The following MAP3K5 variants were observed in gnomAD, a reference collection of about 807,000 sequenced individuals.
MAP3K5 encodes mitogen-activated protein kinase kinase kinase 5.
A neutral mutation model predicts 158.7 loss-of-function variants in MAP3K5; 56 were observed. That is an observed-to-expected ratio of 0.35 (90% confidence interval 0.28 to 0.44). MAP3K5 has a LOEUF of 0.44. Among genes scored for constraint, MAP3K5 ranks in the 20% least tolerant of loss-of-function variants. MAP3K5 has a pLI of 1.00. For synonymous variants in MAP3K5, 579 were observed against 601.7 expected, an observed-to-expected ratio of 0.96 and a Z score of 0.55; for missense variants, 1,294 against 1,674.8, an observed-to-expected ratio of 0.77 and a Z score of 3.97.
At chr6:136,649,506 C>T (rs1778425189) in intron 11 of MAP3K5, among the ~76,000 whole-genome samples, 1 of 152,142 alleles carries the variant, frequency 6.6e-6, no homozygotes, top group Non-Finnish European at 1.5e-5. Context: ...TGCATGTGTC[C>T]AAGCTTCACT....
chr6:136,631,199 T>C (rs1777335049), intron 14 of MAP3K5, among the ~76,000 whole-genome samples: 1 of 152,198 alleles, frequency 6.6e-6, no homozygotes, highest in South Asian at 2.1e-4. Flanking sequence ...CATAAGCTGG[T>C]ACAAGAAAAA....
intron 26 of MAP3K5, among the ~76,000 whole-genome samples, chr6:136,566,226 G>A (rs1198444862): frequency 6.6e-6 from 1 of 152,236 alleles, no homozygotes; most frequent in Non-Finnish European, 1.5e-5. Context: ...GGAGAGGCAG[G>A]TCCTATTGAC....
At chr6:136,658,787 A>T (rs1014568573) in intron 9 of MAP3K5, among the ~76,000 whole-genome samples, 3 of 152,234 alleles carry the variant, frequency 2.0e-5, no homozygotes, top group African/African-American at 7.2e-5. Context: ...CCTAAGTAAG[A>T]AGAAAACAAA....
At chr6:136,784,775 G>C (rs1784770432) in intron 1 of MAP3K5, among the ~76,000 whole-genome samples, 1 of 152,120 alleles carries the variant, frequency 6.6e-6, no homozygotes, top group Non-Finnish European at 1.5e-5. Context: ...CACATTTTCT[G>C]TATGTGAAGA....
chr6:136,773,343 T>C lies in MAP3K5; in HGVS notation c.448+18367A>G, dbSNP rs573062383. On this transcript the variant is annotated intron_variant, in intron 1 of 29. Transcript: ENST00000359015. ...TCTTTAAATAACACTCCCTGTTACA[T>C]GCCTTCTGTTGTTCTCCAGAAATCA... 4.6e-5 allele frequency among the ~76,000 whole-genome samples: 7 copies of C among 152,312 alleles called. No homozygotes were observed. In the South Asian group the frequency reaches 8.3e-4, roughly 18 times the overall value.
chr6:136,561,119 G>A (rs1261517230), intron 28 of MAP3K5, among the ~76,000 whole-genome samples: 2 of 151,952 alleles, frequency 1.3e-5, no homozygotes, highest in Non-Finnish European at 2.9e-5. Flanking sequence ...GGACCACAGA[G>A]CTTTTGCCTG....
At chr6:136,629,351 T>C (rs1293286853) in intron 14 of MAP3K5, 3 of 152,260 alleles carry the variant, frequency 2.0e-5, no homozygotes, top group Non-Finnish European at 2.9e-5. Context: ...TATATGTAAA[T>C]GCCAAAACAT....
At chr6:136,706,724 C>A (rs936614272) in intron 2 of MAP3K5, among the ~76,000 whole-genome samples, 3 of 152,066 alleles carry the variant, frequency 2.0e-5, no homozygotes, top group Admixed American at 2.0e-4. Context: ...CAAAGAAGAA[C>A]CAACAAGGAC....
rs774324712 is a variant in MAP3K5, at chr6:136,561,695, A to G, written c.3875-50T>C. On this transcript the variant is annotated intron_variant, in intron 27 of 29. Coordinates refer to ENST00000359015, the MANE Select transcript of MAP3K5 (RefSeq NM_005923.4). ...TTCTTAATTTCACCTAACAGAGGTC[A>G]TCTGAGACCCTCACAATCAACAGAC... 3.0e-6 allele frequency: 3 copies of G among 992,714 alleles called. No individual in the cohort carries two copies. In the Admixed American group the frequency reaches 5.2e-5, roughly 17 times the overall value. 61.5% of individuals were successfully genotyped at this position (992,714 alleles called of 1,614,324 possible).
intron 1 of MAP3K5, among the ~76,000 whole-genome samples, chr6:136,757,314 A>G (rs1236967998): frequency 6.6e-6 from 1 of 152,260 alleles, no homozygotes; most frequent in Non-Finnish European, 1.5e-5. Flanking sequence ...AAATACAACT[A>G]TAACAGCATC....
chr6:136,687,409 C>T (rs1190926537), intron 7 of MAP3K5, among the ~76,000 whole-genome samples: 2 of 151,988 alleles, frequency 1.3e-5, no homozygotes, highest in Non-Finnish European at 2.9e-5. Context: ...GCAACAAAAG[C>T]CAAAATAGAC....
chr6:136,585,398 G>A (rs1775079550), intron 23 of MAP3K5, among the ~76,000 whole-genome samples: 4 of 151,722 alleles, frequency 2.6e-5, no homozygotes, highest in Admixed American at 2.0e-4. Flanking sequence ...GATTATAGAT[G>A]TGAGCCACTT....
At chr6:136,761,308 C>G (rs3041756) in intron 1 of MAP3K5, among the ~76,000 whole-genome samples, 2,903 of 81,258 alleles carry the variant, frequency 0.036, 103 homozygotes, top group African/African-American at 0.12. Context: ...AAAAAAAAAA[C>G]GAACAGTCAG....
intron 15 of MAP3K5, among the ~76,000 whole-genome samples, chr6:136,616,670 G>A (rs1044370104): frequency 6.6e-6 from 1 of 151,928 alleles, no homozygotes; most frequent in African/African-American, 2.4e-5. Context: ...AGAGTTAAGA[G>A]ATAAAGAAAA....
intron 1 of MAP3K5, among the ~76,000 whole-genome samples, chr6:136,745,350 C>T (rs564258476): frequency 2.0e-5 from 3 of 151,990 alleles, no homozygotes; most frequent in Non-Finnish European, 4.4e-5. Flanking sequence ...TCTCCATGTT[C>T]AACTCTCAAC....
rs969635830 is a variant in MAP3K5 at position 136,720,582 on chromosome 6, C to T, written c.456G>A (p.Ala152=). The T allele has an allele frequency of 6.2e-6, 10 of 1,607,464 alleles. No individual in the cohort carries two copies. Among genetic ancestry groups the T allele is most frequent in the African/African-American group, 2.7e-5 (2 of 74,566 alleles). ...GGAAGGCATCGCTCATCTCCACCAC[C>T]GCAATATCTGCAAACAGAAAACAAA... is the stretch of plus-strand genomic sequence containing the variant. ...VLDRFYNADI[A]VVEMSDAFRQ... is the part of the protein sequence containing the mutation. The change falls in exon 2 of 30, where the codon GCG becomes GCA. Residue 152 remains alanine, a synonymous_variant. Coordinates refer to ENST00000359015, the MANE Select transcript of MAP3K5 (RefSeq NM_005923.4).
At chr6:136,722,887 T>G (rs766135246) in intron 1 of MAP3K5, among the ~76,000 whole-genome samples, 1 of 151,850 alleles carries the variant, frequency 6.6e-6, no homozygotes, top group Non-Finnish European at 1.5e-5. Context: ...CAGGTATCAC[T>G]ATGCTGCACG....
chr6:136,767,417 A>G (rs1006807792), intron 1 of MAP3K5, among the ~76,000 whole-genome samples: 2 of 151,896 alleles, frequency 1.3e-5, no homozygotes, highest in African/African-American at 4.8e-5. Context: ...GAAGGAAGAG[A>G]GGAGGGCAGG....
At chr6:136,658,007 C>T (rs1314429823) in intron 9 of MAP3K5, among the ~76,000 whole-genome samples, 1 of 152,178 alleles carries the variant, frequency 6.6e-6, no homozygotes, top group Admixed American at 6.5e-5. Context: ...GGAGAAGTGT[C>T]AGGTGTGCAC....
Sources: allele counts gnomAD v4.1 joint callset (sites outside exome capture counted in the v4.1 genomes callset), GRCh38; gene constraint gnomAD v4.1.1; transcripts MANE v1.5; gene names NCBI Gene and HGNC (gene_info 2026-07-23, HGNC 2026-07-21).